Variants in MCF2L observed in about 807,000 individuals in gnomAD.
The protein encoded by MCF2L is MCF.2 cell line derived transforming sequence like.
In MCF2L, 97 loss-of-function variants were observed where a neutral mutation model predicts 153.4. That is an observed-to-expected ratio of 0.63 (90% CI 0.54 to 0.75). The LOEUF (loss-of-function observed/expected upper bound fraction) is 0.75, where lower values mean the gene tolerates loss of function less well. Ranked by LOEUF, MCF2L falls within the 30% of genes least tolerant of loss-of-function variation. The pLI, the probability that MCF2L is intolerant of heterozygous loss-of-function variation, is 0.00. For missense variants in MCF2L, 1,347 were observed against 1,495.2 expected, an observed-to-expected ratio of 0.90 and a Z score of 1.64; for synonymous variants, 659 against 632.2, an observed-to-expected ratio of 1.04 and a Z score of -0.64.
rs1055251770 is a variant in MCF2L at position 113,082,362 on chromosome 13, G to A, written c.1876-65G>A. 4.2e-6 allele frequency: 4 copies of A among 941,982 alleles called. No individual in the cohort carries two copies. The African/African-American group carries it at 4.8e-5, about 11-fold the overall frequency. The allele number at this position is 941,982 out of a possible 1,614,324, so 58.4% of individuals were successfully genotyped here. A position where few individuals can be genotyped will look rare whatever the true frequency, so the allele number is the denominator to read the frequency against. On this transcript the variant is annotated intron_variant, in intron 16 of 29. Coordinates refer to ENST00000535094, the MANE Select transcript of MCF2L (RefSeq NM_001112732.3). Reference sequence around the variant, plus strand: ...GGCCCACAGATGAGCCGGCATCCCTGGCCCACCTGCCCCCCCACAGCATCA... The same window carrying A: ...GGCCCACAGATGAGCCGGCATCCCTAGCCCACCTGCCCCCCCACAGCATCA...
At chr13:112,928,236 T>C (rs2081427743) in intron 2 of MCF2L, among the ~76,000 whole-genome samples, 1 of 152,254 alleles carries the variant, frequency 6.6e-6, no homozygotes, top group African/African-American at 2.4e-5. Flanking sequence ...TGCACCAACG[T>C]TGTTGCAGTC....
chr13:113,002,028 T>A (rs992123362), intron 1 of MCF2L: 1 of 1,508,750 alleles, frequency 6.6e-7, no homozygotes, highest in Admixed American at 2.0e-5. Flanking sequence ...GAAGGTGTTG[T>A]GGGGCGACAG....
chr13:112,959,171 A>G (rs2081794608), intron 2 of MCF2L, among the ~76,000 whole-genome samples: 2 of 152,058 alleles, frequency 1.3e-5, no homozygotes, highest in Admixed American at 6.5e-5. Context: ...AAGACATACC[A>G]TATGCTTTTT....
Position 113,053,616 on chromosome 13 carries a change from G to A in MCF2L, c.370-6977G>A, listed in dbSNP as rs533184355. Among the ~76,000 whole-genome samples, 31 of 152,322 alleles carry A rather than the reference G, an allele frequency of 2.0e-4. No homozygotes were observed. The highest frequency in any genetic ancestry group is 6.0e-4 in the African/African-American group (25 of 41,578). On this transcript the variant is annotated intron_variant, in intron 4 of 29. Coordinates refer to ENST00000535094, the MANE Select transcript of MCF2L (RefSeq NM_001112732.3). The surrounding 1 kb of genome is among the most constrained non-coding windows in gnomAD (Gnocchi z 4.4). ...TGTGTGGTGATGCTCAGGACGGGGC[G>A]AAGGTCCCGTGGCTGAGGTGTCCAC...
chr13:112,905,954 G>T (rs1451532989), intron 2 of MCF2L, among the ~76,000 whole-genome samples: 2 of 152,204 alleles, frequency 1.3e-5, no homozygotes, highest in Non-Finnish European at 2.9e-5. Flanking sequence ...GATAGAAGGT[G>T]ATTCCCCCTG....
At chr13:112,919,575 T>TA (rs149709850) in intron 2 of MCF2L, among the ~76,000 whole-genome samples, 9,257 of 151,152 alleles carry the variant, frequency 0.061, 312 homozygotes, top group South Asian at 0.15. Flanking sequence ...CTGTTTTGTT[T>TA]TAAAAAAAAA....
At chr13:112,915,179 G>GCA (rs1267192963) in intron 2 of MCF2L, among the ~76,000 whole-genome samples, 2 of 151,918 alleles carry the variant, frequency 1.3e-5, no homozygotes, top group African/African-American at 4.8e-5. Context: ...GGAGGCTGAG[G>GCA]TCGGTGGATC....
intron 2 of MCF2L, among the ~76,000 whole-genome samples, chr13:112,924,969 T>C (rs942852302): frequency 6.6e-6 from 1 of 152,194 alleles, no homozygotes; most frequent in Non-Finnish European, 1.5e-5. Context: ...CATGTAAATT[T>C]CGTGCTGGAA....
chr13:113,095,320 C>A, intron 27 of MCF2L: 2 of 1,173,748 alleles, frequency 1.7e-6, no homozygotes, highest in South Asian at 1.7e-5. Flanking sequence ...AGAAGCCAGG[C>A]GTGGAAGGGT....
At chr13:113,065,841 G>T (rs1035460869) in intron 7 of MCF2L, among the ~76,000 whole-genome samples, 1 of 152,172 alleles carries the variant, frequency 6.6e-6, no homozygotes, top group African/African-American at 2.4e-5. Context: ...GCTCTGCCCC[G>T]GGGCACACAG....
At chr13:113,047,041 G>T in intron 4 of MCF2L, 1 of 162,820 alleles carries the variant, frequency 6.1e-6, no homozygotes, top group South Asian at 1.7e-4. Flanking sequence ...CGTGGTGGAA[G>T]GCAGCGGGGA....
In MCF2L at chr13:113,037,221, G is replaced by A. The variant is rs367745088; in HGVS notation, c.279-8050G>A. On this transcript the variant is annotated intron_variant, in intron 3 of 29. Coordinates refer to ENST00000535094, the MANE Select transcript of MCF2L (RefSeq NM_001112732.3). ...GCGTCCTAAGCTCTGTGTGCTGTTAGGATGATGATAACGACCACGATAGAA... is the reference window on the plus strand; with the variant it reads ...GCGTCCTAAGCTCTGTGTGCTGTTAAGATGATGATAACGACCACGATAGAA... Among the ~76,000 whole-genome samples, 16 of 152,336 alleles carry A rather than the reference G, an allele frequency of 1.1e-4. No individual in the cohort carries two copies. In the East Asian group the frequency reaches 2.9e-3, roughly 28 times the overall value.
intron 3 of MCF2L, among the ~76,000 whole-genome samples, chr13:113,033,158 G>A (rs1455252233): frequency 1.1e-3 from 94 of 88,262 alleles, no homozygotes; most frequent in Admixed American, 1.6e-3. Context: ...AGTGGACCCC[G>A]TGGCGTGAGT....
At position 113,031,028 on chromosome 13, in the gene MCF2L, GAGACAGAGAGACAGAGACAGACAGATAC is replaced by G. The variant is rs71836402; in HGVS notation, c.278+6308_278+6335del. Among the ~76,000 whole-genome samples, 49,447 of 150,706 alleles carry G rather than the reference GAGACAGAGAGACAGAGACAGACAGATAC, an allele frequency of 0.33. 9,093 individuals carry two copies. Among genetic ancestry groups the G allele is most frequent in the East Asian group, 0.57 (2,867 of 4,990 alleles). ...GGGAAAACAATGTGAGAAAGAAAGA[GAGACAGAGAGACAGAGACAGACAGATAC>G]AGACAGAGAGACAGAGACAGACAGA... On this transcript the variant is annotated intron_variant, in intron 3 of 29. Transcript: ENST00000535094. This position sits in a 1 kb window ranked among gnomAD's most constrained non-coding sequence, Gnocchi z 5.5.
At chr13:112,965,145 T>G (rs2081877152), upstream of MCF2L, 1 of 152,856 alleles carries the variant, frequency 6.5e-6, no homozygotes. Context: ...CTCCTCCTCT[T>G]CCTTCCTCTC....
At position 113,045,223 on chromosome 13, in the gene MCF2L, G is replaced by A. The variant is rs369382395; in HGVS notation, c.279-48G>A. On this transcript the variant is annotated intron_variant, in intron 3 of 29. Coordinates refer to ENST00000535094, the MANE Select transcript of MCF2L (RefSeq NM_001112732.3). The surrounding 1 kb of genome is among the most constrained non-coding windows in gnomAD (Gnocchi z 4.2). The stretch of plus-strand genomic sequence containing the variant: ...TTTCTGAGGGATTTCGTGGGCAGCC[G>A]GCTTCCCACCTGCACACATTAACGG... The A allele has an allele frequency of 2.0e-5, 29 of 1,466,274 alleles. No individual in the cohort carries two copies. Among genetic ancestry groups the A allele is most frequent in the Admixed American group, 1.8e-4 (11 of 59,760 alleles). The allele number at this position is 1,466,274 out of a possible 1,614,324, so 90.8% of individuals were successfully genotyped here.
intron 5 of MCF2L, chr13:113,063,937 G>T: frequency 2.3e-6 from 1 of 426,480 alleles, no homozygotes; most frequent in South Asian, 1.8e-5. Context: ...CGTTGTGCAG[G>T]GGAGCCTGTG....
intron 2 of MCF2L, among the ~76,000 whole-genome samples, chr13:112,911,070 C>A (rs1253825733): frequency 6.6e-6 from 1 of 152,210 alleles, no homozygotes. Flanking sequence ...CGCTCCCCGG[C>A]GTCAGCTGGT....
At chr13:113,056,165 C>T (rs9324217) in intron 4 of MCF2L, among the ~76,000 whole-genome samples, 52,959 of 152,158 alleles carry the variant, frequency 0.35, 9,392 homozygotes, top group Middle Eastern at 0.41. Flanking sequence ...GGAGGGCAGC[C>T]GCCCAGTGAC....
Sources: gnomAD v4.1 joint callset for allele counts (sites outside exome capture counted in the v4.1 genomes callset) on GRCh38, gnomAD v4.1.1 for gene constraint, Gnocchi (gnomAD v3.1) non-coding constraint, MANE v1.5 for transcripts, NCBI Gene and HGNC (gene_info 2026-07-23, HGNC 2026-07-21) for gene names.